The following ZNF827 variants were observed in gnomAD, a reference collection of about 807,000 sequenced individuals.
The protein encoded by ZNF827 is zinc finger protein 827.
ZNF827 carries 13 observed loss-of-function variants against 102.4 expected under a neutral mutation model. That is an observed-to-expected ratio of 0.13 (90% CI 0.08 to 0.20). The LOEUF is 0.20. Among genes scored for constraint, ZNF827 ranks in the 10% least tolerant of loss-of-function variants. ZNF827 has a pLI of 1.00. For missense variants in ZNF827, 1,103 were observed against 1,344.4 expected (o/e 0.82, Z 2.81); for synonymous variants, 523 against 536.2 (o/e 0.98, Z 0.34).
intron 8 of ZNF827, among the ~76,000 whole-genome samples, chr4:145,812,459 A>G (rs1018191802): frequency 2.6e-5 from 4 of 152,010 alleles, no homozygotes; most frequent in African/African-American, 9.7e-5. Flanking sequence ...AAACGAATAT[A>G]GCCCTGCAGT....
chr4:145,938,234 C>G (rs1018829298), intron 1 of ZNF827, 131 bp downstream of exon 1: 139 of 1,085,364 alleles, frequency 1.3e-4, no homozygotes, highest in Non-Finnish European at 1.9e-4. Flanking sequence ...GTAACCCGGG[C>G]TGTGTCTTTG....
At chr4:145,926,696 C>A (rs946730537) in intron 1 of ZNF827, among the ~76,000 whole-genome samples, 1 of 152,092 alleles carries the variant, frequency 6.6e-6, no homozygotes, top group African/African-American at 2.4e-5. Flanking sequence ...TAAGCATATA[C>A]TACTTTTGTC....
intron 7 of ZNF827, among the ~76,000 whole-genome samples, chr4:145,825,149 C>T (rs1033693617): frequency 2.6e-5 from 4 of 152,154 alleles, no homozygotes; most frequent in Non-Finnish European, 5.9e-5. Context: ...AGTGTGACCA[C>T]GGGGCCTGGC....
At chr4:145,820,694 TTCTC>T (rs1743057728) in intron 8 of ZNF827, among the ~76,000 whole-genome samples, 1 of 152,198 alleles carries the variant, frequency 6.6e-6, no homozygotes, top group African/African-American at 2.4e-5. Context: ...ACTCCTCTTT[TTCTC>T]TCTAACTCAG....
chr4:145,884,574 T>C (rs926413924), intron 4 of ZNF827, among the ~76,000 whole-genome samples: 1 of 152,116 alleles, frequency 6.6e-6, no homozygotes, highest in African/African-American at 2.4e-5. Context: ...CTTTAAAATT[T>C]AAAATCATAC....
intron 1 of ZNF827, among the ~76,000 whole-genome samples, chr4:145,920,368 G>C: frequency 6.6e-6 from 1 of 152,202 alleles, no homozygotes; most frequent in Non-Finnish European, 1.5e-5. Context: ...GCCAATAGCT[G>C]AGGGGAGACT....
intron 2 of ZNF827, among the ~76,000 whole-genome samples, chr4:145,901,601 A>C (rs1432700826): frequency 6.6e-6 from 1 of 152,246 alleles, no homozygotes; most frequent in Non-Finnish European, 1.5e-5. Context: ...TTATAGGACA[A>C]GAAATTGTAG....
intron 11 of ZNF827, among the ~76,000 whole-genome samples, chr4:145,773,753 G>A (rs774603907): frequency 1.4e-4 from 22 of 152,216 alleles, no homozygotes; most frequent in Non-Finnish European, 2.9e-4. Flanking sequence ...ACAGTGATGG[G>A]TTTGTTTCAG....
intron 8 of ZNF827, among the ~76,000 whole-genome samples, chr4:145,793,258 T>TG (rs1211899611): frequency 1.1e-4 from 4 of 35,022 alleles, no homozygotes; most frequent in Non-Finnish European, 1.7e-4. Context: ...GATATATATA[T>TG]ATATATCTCT....
chr4:145,774,451 T>C, intron 11 of ZNF827, 55 bp downstream of exon 11: 1 of 1,564,750 alleles, frequency 6.4e-7, no homozygotes, highest in Non-Finnish European at 8.7e-7. Flanking sequence ...TGGCAGGTGC[T>C]CTGGGGTGCA....
chr4:145,850,564 AAC>A (rs145144456), intron 5 of ZNF827, among the ~76,000 whole-genome samples: 1,741 of 152,298 alleles, frequency 0.011, 32 homozygotes, highest in African/African-American at 0.039. Context: ...TTTAGTCTGA[AAC>A]ACATATTTGT....
At chr4:145,922,483 A>G (rs1753140155) in intron 1 of ZNF827, among the ~76,000 whole-genome samples, 1 of 152,228 alleles carries the variant, frequency 6.6e-6, no homozygotes, top group Non-Finnish European at 1.5e-5. Flanking sequence ...CATATTTAGA[A>G]AACTAACACA....
chr4:145,768,916 T>TATATAAATATATATATATAAAA (rs34051922), intron 11 of ZNF827, among the ~76,000 whole-genome samples: 1 of 34,416 alleles, frequency 2.9e-5, no homozygotes, highest in African/African-American at 1.0e-4. Flanking sequence ...TATATATATA[T>TATATAAATATATATATATAAAA]TAGGTATACA....
chr4:145,918,014 C>T (rs546382230), intron 1 of ZNF827, among the ~76,000 whole-genome samples: 35 of 152,144 alleles, frequency 2.3e-4, no homozygotes, highest in African/African-American at 8.2e-4. Context: ...TTATTTGAAA[C>T]ACACAAGTTT....
chr4:145,772,609 T>G (rs538825297), intron 11 of ZNF827, among the ~76,000 whole-genome samples: 1 of 152,292 alleles, frequency 6.6e-6, no homozygotes, highest in Non-Finnish European at 1.5e-5. Context: ...CCGAGTTGAG[T>G]AGTAGTGACA....
At chr4:145,849,239 T>A in intron 6 of ZNF827, 83 bp downstream of exon 6, 2 of 1,305,548 alleles carry the variant, frequency 1.5e-6, no homozygotes, top group South Asian at 1.9e-5. Context: ...TAATTCAGGT[T>A]TTTTTTTTTA....
intron 11 of ZNF827, among the ~76,000 whole-genome samples, chr4:145,767,271 C>T (rs1346951442): frequency 6.6e-6 from 1 of 152,116 alleles, no homozygotes; most frequent in African/African-American, 2.4e-5. Context: ...CAGCAGTAAT[C>T]CCATTAGACA....
chr4:145,774,969 C>T (rs1414649909), intron 10 of ZNF827, among the ~76,000 whole-genome samples: 4 of 152,146 alleles, frequency 2.6e-5, no homozygotes, highest in Non-Finnish European at 5.9e-5. Context: ...CTGCACATCA[C>T]CTAATTGATT....
At chr4:145,779,326 T>G (rs755805403) in intron 9 of ZNF827, 48 bp downstream of exon 9, 1 of 1,588,076 alleles carries the variant, frequency 6.3e-7, no homozygotes, top group African/African-American at 1.4e-5. Context: ...AGTAAAGAAG[T>G]TGGTGATGGA....
Sources: allele counts gnomAD v4.1 joint callset (sites outside exome capture counted in the v4.1 genomes callset), GRCh38; gene constraint gnomAD v4.1.1; transcripts MANE v1.5; gene names NCBI Gene and HGNC (gene_info 2026-07-23, HGNC 2026-07-21).